The following SEC11A variants were observed in gnomAD, a reference collection of about 807,000 sequenced individuals.
SEC11A encodes the protein signal peptidase complex catalytic subunit SEC11A.
In SEC11A, 14 loss-of-function variants were observed where a neutral mutation model predicts 25.6. The observed-to-expected ratio is 0.55, with a 90% CI of 0.36 to 0.85. The LOEUF is 0.85. SEC11A is among the 40% of genes least tolerant of loss of function. SEC11A has a pLI of 0.01. For missense variants in SEC11A, 153 were observed against 222.9 expected, an observed-to-expected ratio of 0.69 and a Z score of 2.00; for synonymous variants, 83 against 76.4, an observed-to-expected ratio of 1.09 and a Z score of -0.45.
chr15:84,680,857 G>A, intron 3 of SEC11A, 25 bp from the exon 4 acceptor site: 3 of 1,580,768 alleles, frequency 1.9e-6, no homozygotes, highest in Non-Finnish European at 2.6e-6. Context: ...GGAAACCCAA[G>A]TCATCAAATA....
chr15:84,670,105 C>G, intron 5 of SEC11A, 36 bp from the exon 6 acceptor site: 1 of 1,602,884 alleles, frequency 6.2e-7, no homozygotes. Flanking sequence ...GTCAGAGAAG[C>G]GTTGAAAAGT....
At position 84,680,065 on chromosome 15, in the gene SEC11A, T is replaced by A. The variant is rs1053958449; in HGVS notation, c.431+648A>T. The A allele has an allele frequency of 2.8e-5, 21 of 745,026 alleles. 1 individual carries two copies. The highest frequency in any genetic ancestry group is 3.9e-5 in the Non-Finnish European group (18 of 457,724). The allele number at this position is 745,026 out of a possible 1,614,324, so 46.2% of individuals were successfully genotyped here. A position where few individuals can be genotyped will look rare whatever the true frequency, so the allele number is the denominator to read the frequency against. On this transcript the variant is annotated intron_variant, in intron 4 of 5. Coordinates refer to ENST00000268220, the MANE Select transcript of SEC11A (RefSeq NM_014300.4). ...ATGGATTAAATTAACATGATAAAAC[T>A]AATTTGGATGAACACTTTTGAGTTA... is the stretch of plus-strand genomic sequence containing the variant.
In SEC11A at chr15:84,669,885, A is replaced by G; in HGVS notation, c.*134T>C. The G allele has an allele frequency of 2.0e-6, 3 of 1,536,286 alleles. No homozygotes were observed. The highest frequency in any genetic ancestry group is 2.6e-6 in the Non-Finnish European group (3 of 1,134,298). On this transcript the variant is annotated 3_prime_UTR_variant, in exon 6 of 6. Coordinates refer to ENST00000268220, the MANE Select transcript of SEC11A (RefSeq NM_014300.4). ...CACAAACTCTGGCATGGAAACATAA[A>G]CTAATGCAAACCAGTGCTACCCAGA... is the stretch of plus-strand genomic sequence containing the variant.
chr15:84,669,828 A>G lies in SEC11A; in HGVS notation c.*191T>C. The stretch of plus-strand genomic sequence containing the variant: ...AATCCTGTGACTGAAAGTCCCCTCG[A>G]GTGCACTCTGTGGTGCACATGCGCC... On this transcript the variant is annotated 3_prime_UTR_variant, in exon 6 of 6. Transcript: ENST00000268220. 1.2e-6 allele frequency: 1 copy of G among 809,338 alleles called. No individual in the cohort carries two copies. The highest frequency in any genetic ancestry group is 1.8e-6 in the Non-Finnish European group (1 of 545,206). The allele number at this position is 809,338 out of a possible 1,614,324, so 50.1% of individuals were successfully genotyped here.
intron 1 of SEC11A, among the ~76,000 whole-genome samples, chr15:84,705,621 G>A (rs938611609): frequency 3.3e-5 from 5 of 152,032 alleles, no homozygotes; most frequent in East Asian, 2.0e-4. Context: ...TTGGGAGGCC[G>A]AGGCAGGTGG....
At chr15:84,690,302 T>A (rs1029966681) in intron 2 of SEC11A, among the ~76,000 whole-genome samples, 7 of 152,194 alleles carry the variant, frequency 4.6e-5, no homozygotes, top group Non-Finnish European at 1.5e-5. Flanking sequence ...TGCCGCCATG[T>A]GAGACCTGCC....
At chr15:84,704,705 A>T (rs950335601) in intron 1 of SEC11A, among the ~76,000 whole-genome samples, 1 of 152,130 alleles carries the variant, frequency 6.6e-6, no homozygotes, top group African/African-American at 2.4e-5. Flanking sequence ...CCTTCCAGTA[A>T]TTCACGACTA....
chr15:84,709,409 G>A (rs1898194719), intron 1 of SEC11A, among the ~76,000 whole-genome samples: 3 of 151,976 alleles, frequency 2.0e-5, no homozygotes, highest in Non-Finnish European at 4.4e-5. Context: ...ATATTCTTAT[G>A]TTAAGAACTC....
intron 1 of SEC11A, 81 bp from the exon 2 acceptor site, chr15:84,691,725 G>C (rs1373640468): frequency 1.3e-6 from 1 of 749,202 alleles, no homozygotes; most frequent in East Asian, 2.5e-5. Context: ...CAATTTGAAA[G>C]TTTCAAGCAG....
At chr15:84,678,390 G>T (rs766615999) in intron 4 of SEC11A, among the ~76,000 whole-genome samples, 5 of 152,104 alleles carry the variant, frequency 3.3e-5, no homozygotes, top group Non-Finnish European at 7.3e-5. Flanking sequence ...AAGAATGATT[G>T]GGCAGAAATG....
intron 4 of SEC11A, chr15:84,679,257 G>C: frequency 7.9e-7 from 1 of 1,263,206 alleles, no homozygotes; most frequent in Non-Finnish European, 1.0e-6. Context: ...GAGGAAGATG[G>C]GGACTAGTAT....
chr15:84,685,147 C>A (rs151182994), intron 3 of SEC11A, among the ~76,000 whole-genome samples: 19 of 152,292 alleles, frequency 1.2e-4, no homozygotes, highest in African/African-American at 4.1e-4. Context: ...GAATTCTGTA[C>A]AAAATTATTT....
chr15:84,690,980 A>C (rs944422585), intron 2 of SEC11A, among the ~76,000 whole-genome samples: 3 of 152,218 alleles, frequency 2.0e-5, no homozygotes, highest in Non-Finnish European at 4.4e-5. Context: ...TGACAAAAAC[A>C]AACCTTAACA....
chr15:84,678,462 A>T (rs1002356334), intron 4 of SEC11A, among the ~76,000 whole-genome samples: 1 of 152,238 alleles, frequency 6.6e-6, no homozygotes, highest in Non-Finnish European at 1.5e-5. Flanking sequence ...AGCTGGAAAC[A>T]ATCAGAATAC....
At chr15:84,686,268 G>C (rs1395908498) in intron 3 of SEC11A, among the ~76,000 whole-genome samples, 1 of 152,086 alleles carries the variant, frequency 6.6e-6, no homozygotes, top group African/African-American at 2.4e-5. Flanking sequence ...AAACTAGAAT[G>C]TTTATAGGAA....
At chr15:84,671,230 C>G (rs956518544) in intron 4 of SEC11A, 1 of 152,452 alleles carries the variant, frequency 6.6e-6, no homozygotes, top group Non-Finnish European at 1.5e-5. Context: ...CATTATAGTA[C>G]TTAGGATTTC....
chr15:84,689,100 T>C lies in SEC11A; in HGVS notation c.162-1326A>G, dbSNP rs545195130. Among the ~76,000 whole-genome samples the C allele has an allele frequency of 2.0e-5, 3 of 149,940 alleles. No homozygotes were observed. In the South Asian group the frequency reaches 6.4e-4, roughly 32 times the overall value. On this transcript the variant is annotated intron_variant, in intron 2 of 5. Transcript: ENST00000268220. The stretch of plus-strand genomic sequence containing the variant: ...AAAAGAAACTGGGGGCCAGGCACGA[T>C]GGTTCAAGCCTATCATCCCAGCACT...
intron 1 of SEC11A, 31 bp downstream of exon 1, chr15:84,715,994 G>A: frequency 6.2e-7 from 1 of 1,609,612 alleles, no homozygotes; most frequent in South Asian, 1.1e-5. Context: ...GACAAGAAGA[G>A]CCAGGAGAAA....
chr15:84,704,995 G>A (rs1898054244), intron 1 of SEC11A, among the ~76,000 whole-genome samples: 2 of 150,018 alleles, frequency 1.3e-5, no homozygotes, highest in African/African-American at 2.5e-5. Context: ...TATGATCATA[G>A]CTCACTGCAG....
Sources: allele counts gnomAD v4.1 joint callset (sites outside exome capture counted in the v4.1 genomes callset), GRCh38; gene constraint gnomAD v4.1.1; transcripts MANE v1.5; gene names NCBI Gene and HGNC (gene_info 2026-07-23, HGNC 2026-07-21).